HHAT: variants seen among roughly 807,000 people sequenced by gnomAD.
HHAT encodes protein-cysteine N-palmitoyltransferase HHAT.
A neutral mutation model predicts 70.8 loss-of-function variants in HHAT; 47 were observed. The observed-to-expected ratio is 0.66, with a 90% CI of 0.53 to 0.85. HHAT has a LOEUF of 0.85. HHAT is among the 40% of genes least tolerant of loss of function. HHAT has a pLI of 0.00. For missense variants in HHAT, 609 were observed against 604.8 expected (o/e 1.01, Z -0.07); for synonymous variants, 228 against 247.6 (o/e 0.92, Z 0.74).
intron 2 of HHAT, among the ~76,000 whole-genome samples, chr1:210,355,372 G>A (rs1182850044): frequency 6.6e-6 from 1 of 152,180 alleles, no homozygotes; most frequent in Non-Finnish European, 1.5e-5. Flanking sequence ...GTGAAAGGTT[G>A]AACAAGCTTT....
Position 210,474,218 on chromosome 1 carries a change from A to T in HHAT, c.1007+9563A>T, listed in dbSNP as rs572214836. 1.4e-4 allele frequency among the ~76,000 whole-genome samples: 22 copies of T among 152,322 alleles called. No individual in the cohort carries two copies. The South Asian group carries it at 4.4e-3, about 30-fold the overall frequency. On this transcript the variant is annotated intron_variant, in intron 8 of 11. Coordinates refer to ENST00000261458, the MANE Select transcript of HHAT (RefSeq NM_018194.6). Reference sequence around the variant, plus strand: ...GGGGCTGGCACATAGTAGGCACTTAACAAACCGATATTTTCTAAGTGAAAG... The same window carrying T: ...GGGGCTGGCACATAGTAGGCACTTATCAAACCGATATTTTCTAAGTGAAAG...
intron 7 of HHAT, 76 bp from the exon 8 acceptor site, chr1:210,464,429 T>C (rs1286300343): frequency 6.7e-7 from 1 of 1,483,232 alleles, no homozygotes; most frequent in Non-Finnish European, 9.4e-7. Context: ...TTGGCATAGC[T>C]CCTGGGGTGT....
chr1:210,578,667 GC>G (rs1658471328), intron 9 of HHAT, among the ~76,000 whole-genome samples: 1 of 152,144 alleles, frequency 6.6e-6, no homozygotes, highest in Non-Finnish European at 1.5e-5. Flanking sequence ...CCTGCCAGTT[GC>G]AACATCGTGA....
chr1:210,561,152 G>A (rs2095619732), intron 9 of HHAT, among the ~76,000 whole-genome samples: 2 of 152,162 alleles, frequency 1.3e-5, no homozygotes, highest in Non-Finnish European at 2.9e-5. Flanking sequence ...TCACTGGCCT[G>A]TACCCTTGAC....
intron 8 of HHAT, among the ~76,000 whole-genome samples, chr1:210,500,994 G>T (rs1024093986): frequency 5.3e-5 from 8 of 152,164 alleles, no homozygotes; most frequent in African/African-American, 1.7e-4. Context: ...CTTCCTGCGC[G>T]CCTCTCCTGC....
intron 9 of HHAT, among the ~76,000 whole-genome samples, chr1:210,517,367 TCCTC>T (rs1249036958): frequency 6.6e-6 from 1 of 152,154 alleles, no homozygotes; most frequent in Non-Finnish European, 1.5e-5. Flanking sequence ...GCTCAAGCGA[TCCTC>T]CCGCAGTGCT....
intron 1 of HHAT, among the ~76,000 whole-genome samples, chr1:210,345,475 C>T (rs2092512): frequency 0.16 from 24,589 of 151,980 alleles, 2,290 homozygotes; most frequent in African/African-American, 0.25. Flanking sequence ...TTGGTTTAAC[C>T]GACCACCATC....
intron 9 of HHAT, among the ~76,000 whole-genome samples, chr1:210,582,407 T>TA (rs897181572): frequency 1.3e-5 from 2 of 152,022 alleles, no homozygotes; most frequent in Non-Finnish European, 2.9e-5. Flanking sequence ...GAAACCGTAG[T>TA]AAAAGCCATG....
At chr1:210,385,761 G>A (rs3765866) in intron 3 of HHAT, among the ~76,000 whole-genome samples, 17,422 of 152,272 alleles carry the variant, frequency 0.11, 1,282 homozygotes, top group East Asian at 0.27. Flanking sequence ...CAAGGGATGG[G>A]AAGCACATGG....
At chr1:210,374,359 C>T (rs1213547420) in intron 3 of HHAT, 3 of 152,180 alleles carry the variant, frequency 2.0e-5, no homozygotes, top group Admixed American at 2.0e-4. Context: ...GAATTACTGC[C>T]TACAGTTTGC....
At chr1:210,496,847 T>C (rs2094653496) in intron 8 of HHAT, among the ~76,000 whole-genome samples, 1 of 152,218 alleles carries the variant, frequency 6.6e-6, no homozygotes, top group African/African-American at 2.4e-5. Flanking sequence ...CTTAACTGAA[T>C]TGAGCCTGTA....
chr1:210,449,278 CT>C (rs5780578), intron 7 of HHAT, among the ~76,000 whole-genome samples: 4,012 of 147,020 alleles, frequency 0.027, 180 homozygotes, highest in African/African-American at 0.095. Flanking sequence ...TCATCCTCTA[CT>C]TTTTTTTTTT....
intron 9 of HHAT, among the ~76,000 whole-genome samples, chr1:210,558,341 T>G (rs1330000750): frequency 6.6e-6 from 1 of 152,196 alleles, no homozygotes. Context: ...TGCAAAGAAG[T>G]GCTGCAGTAG....
intron 1 of HHAT, among the ~76,000 whole-genome samples, chr1:210,338,026 A>C (rs528573613): frequency 1.4e-4 from 22 of 152,154 alleles, no homozygotes; most frequent in Non-Finnish European, 2.6e-4. Context: ...TTTTAGGTAA[A>C]TGTACTATAC....
intron 9 of HHAT, among the ~76,000 whole-genome samples, chr1:210,569,218 A>G (rs1326415998): frequency 6.6e-6 from 1 of 151,812 alleles, no homozygotes; most frequent in Admixed American, 6.6e-5. Flanking sequence ...TACTAAAAAT[A>G]CAAAAATTAG....
chr1:210,372,328 A>AT (rs2089639866), intron 3 of HHAT, among the ~76,000 whole-genome samples: 1 of 152,242 alleles, frequency 6.6e-6, no homozygotes, highest in Non-Finnish European at 1.5e-5. Context: ...TGAGTCTTGA[A>AT]TAGAAGTACT....
chr1:210,656,425 C>T (rs1249959673), intron 11 of HHAT, among the ~76,000 whole-genome samples: 1 of 152,226 alleles, frequency 6.6e-6, no homozygotes, highest in East Asian at 1.9e-4. Flanking sequence ...TCCCCCTGCC[C>T]TTTGAGCCTC....
chr1:210,560,481 A>C (rs2095611182), intron 9 of HHAT, among the ~76,000 whole-genome samples: 2 of 152,038 alleles, frequency 1.3e-5, no homozygotes, highest in African/African-American at 2.4e-5. Context: ...GTAAGTTAAA[A>C]AGAACCTTGT....
chr1:210,392,453 C>T (rs2091518935), intron 4 of HHAT, among the ~76,000 whole-genome samples: 1 of 152,094 alleles, frequency 6.6e-6, no homozygotes, highest in African/African-American at 2.4e-5. Flanking sequence ...ATCATCTCTC[C>T]TCTGTGAAAT....
Sources: gnomAD v4.1 joint callset for allele counts (sites outside exome capture counted in the v4.1 genomes callset) on GRCh38, gnomAD v4.1.1 for gene constraint, MANE v1.5 for transcripts, NCBI Gene and HGNC (gene_info 2026-07-23, HGNC 2026-07-21) for gene names.